Variants in NRG3 observed in about 807,000 individuals in gnomAD.
The protein encoded by NRG3 is pro-neuregulin-3, membrane-bound isoform.
Under a neutral mutation model 66.9 loss-of-function variants are expected in NRG3, and 31 were observed. The observed-to-expected ratio is 0.46, with a 90% CI of 0.35 to 0.63. The LOEUF (loss-of-function observed/expected upper bound fraction) is 0.63. Among genes scored for constraint, NRG3 ranks in the 20% least tolerant of loss-of-function variants. NRG3 has a pLI of 0.00. For synonymous variants in NRG3, 393 were observed against 359.4 expected (o/e 1.09, Z -1.06); for missense variants, 910 against 878.9 (o/e 1.04, Z -0.45).
chr10:82,120,115 C>A (rs2067988402), intron 1 of NRG3, among the ~76,000 whole-genome samples: 2 of 152,088 alleles, frequency 1.3e-5, no homozygotes, highest in African/African-American at 4.8e-5. Context: ...GAAAAGAACT[C>A]TTTGCCTAAA....
At chr10:81,928,208 G>T (rs1846996380) in intron 1 of NRG3, among the ~76,000 whole-genome samples, 1 of 152,184 alleles carries the variant, frequency 6.6e-6, no homozygotes, top group Non-Finnish European at 1.5e-5. Context: ...AGCATCTACA[G>T]TTTAATGATG....
intron 1 of NRG3, among the ~76,000 whole-genome samples, chr10:81,946,486 C>G (rs922267502): frequency 1.3e-5 from 2 of 152,032 alleles, no homozygotes; most frequent in Non-Finnish European, 2.9e-5. Flanking sequence ...TTAATTGCCC[C>G]GGAAGGCTCT....
At chr10:82,735,611 C>A (rs1277345814) in intron 2 of NRG3, among the ~76,000 whole-genome samples, 2 of 152,108 alleles carry the variant, frequency 1.3e-5, no homozygotes, top group Non-Finnish European at 2.9e-5. Flanking sequence ...TTTGCAGGGA[C>A]ATGGATGAAG....
At chr10:82,209,125 A>G (rs1414203573) in intron 1 of NRG3, among the ~76,000 whole-genome samples, 2 of 152,326 alleles carry the variant, frequency 1.3e-5, no homozygotes, top group East Asian at 3.9e-4. Context: ...CTGTTAAAAT[A>G]CAAGTTGAAC....
intron 7 of NRG3, 99 bp downstream of exon 7, chr10:82,974,014 C>G: frequency 7.4e-7 from 1 of 1,346,644 alleles, no homozygotes; most frequent in Non-Finnish European, 1.0e-6. Context: ...GGAGAGACAA[C>G]TGTTCTTGCT....
At chr10:82,857,209 G>A (rs992743288) in intron 3 of NRG3, among the ~76,000 whole-genome samples, 1 of 152,078 alleles carries the variant, frequency 6.6e-6, no homozygotes, top group African/African-American at 2.4e-5. Context: ...TACCAATATG[G>A]GGGTGCAGTC....
chr10:82,623,637 C>T (rs2049197857), intron 2 of NRG3, among the ~76,000 whole-genome samples: 1 of 152,116 alleles, frequency 6.6e-6, no homozygotes, highest in Admixed American at 6.6e-5. Context: ...AGCCTAGCAC[C>T]TCTTGCAAGG....
chr10:82,486,076 G>A (rs1042877230), intron 2 of NRG3, among the ~76,000 whole-genome samples: 1 of 152,114 alleles, frequency 6.6e-6, no homozygotes, highest in African/African-American at 2.4e-5. Flanking sequence ...TCAGGGAAAC[G>A]CAAGTCAAAA....
intron 1 of NRG3, among the ~76,000 whole-genome samples, chr10:81,877,087 G>T (rs1332252323): frequency 1.3e-5 from 2 of 152,202 alleles, no homozygotes; most frequent in Non-Finnish European, 2.9e-5. Flanking sequence ...ACATGTCACC[G>T]TTAGAATGTA....
intron 1 of NRG3, among the ~76,000 whole-genome samples, chr10:82,073,515 A>G (rs1460839623): frequency 1.3e-5 from 2 of 152,186 alleles, no homozygotes; most frequent in Non-Finnish European, 2.9e-5. Context: ...TCAAAATGAT[A>G]TCTGTGCCAG....
chr10:81,881,089 T>C (rs1842135685), intron 1 of NRG3, among the ~76,000 whole-genome samples: 1 of 152,148 alleles, frequency 6.6e-6, no homozygotes, highest in Non-Finnish European at 1.5e-5. Context: ...CATTTCACTC[T>C]TCCCCTAAGA....
chr10:82,447,197 A>G (rs999421249), intron 2 of NRG3, among the ~76,000 whole-genome samples: 8 of 152,358 alleles, frequency 5.3e-5, no homozygotes, highest in African/African-American at 1.9e-4. Context: ...CTCCCAAATT[A>G]TGGTAAATGC....
Position 82,067,410 on chromosome 10 carries a change from C to T in NRG3, c.823+191247C>T, listed in dbSNP as rs115499660. On this transcript the variant is annotated intron_variant, in intron 1 of 8. Coordinates refer to ENST00000372141, the MANE Select transcript of NRG3 (RefSeq NM_001010848.4). ...ACAGAGCCTTGCTCTATCCCCCAGG[C>T]GCAATCTTGCCCACTGCAACCTTCT... is the stretch of plus-strand genomic sequence containing the variant. Among the ~76,000 whole-genome samples, 820 of 152,284 alleles carry T rather than the reference C, an allele frequency of 5.4e-3. 7 individuals are homozygous for T. Among genetic ancestry groups the T allele is most frequent in the African/African-American group, 0.019 (775 of 41,574 alleles).
At chr10:82,827,908 A>G (rs1169857183) in intron 3 of NRG3, among the ~76,000 whole-genome samples, 1 of 152,162 alleles carries the variant, frequency 6.6e-6, no homozygotes, top group African/African-American at 2.4e-5. Flanking sequence ...TGTGGCAACC[A>G]CTGTTAATAT....
At chr10:82,079,678 T>G (rs1323769652) in intron 1 of NRG3, among the ~76,000 whole-genome samples, 5 of 152,196 alleles carry the variant, frequency 3.3e-5, no homozygotes. Context: ...ACTGTCTCCA[T>G]GCATTTGCCT....
intron 1 of NRG3, among the ~76,000 whole-genome samples, chr10:82,303,987 T>C (rs2080568956): frequency 6.6e-6 from 1 of 152,214 alleles, no homozygotes; most frequent in African/African-American, 2.4e-5. Flanking sequence ...ATGAATGACA[T>C]TGTCATTTCC....
intron 3 of NRG3, among the ~76,000 whole-genome samples, chr10:82,859,703 C>G (rs1260064362): frequency 6.6e-6 from 1 of 152,162 alleles, no homozygotes; most frequent in Non-Finnish European, 1.5e-5. Flanking sequence ...AATGCGGCAA[C>G]TATAGTTAAT....
chr10:82,781,399 G>A (rs933645081), intron 3 of NRG3, among the ~76,000 whole-genome samples: 6 of 151,898 alleles, frequency 4.0e-5, no homozygotes, highest in Admixed American at 6.6e-5. Flanking sequence ...TATCAATTAG[G>A]ACCCTGTGCT....
intron 2 of NRG3, among the ~76,000 whole-genome samples, chr10:82,471,084 C>T (rs572056670): frequency 1.3e-5 from 2 of 152,112 alleles, no homozygotes; most frequent in African/African-American, 2.4e-5. Context: ...CAGCTAAAAA[C>T]GGGATCCTTG....
Sources: gnomAD v4.1 joint callset for allele counts (sites outside exome capture counted in the v4.1 genomes callset) on GRCh38, gnomAD v4.1.1 for gene constraint, MANE v1.5 for transcripts, NCBI Gene and HGNC (gene_info 2026-07-23, HGNC 2026-07-21) for gene names.